KCNQ1: variants seen among roughly 807,000 people sequenced by gnomAD.
KCNQ1 encodes the protein potassium voltage-gated channel subfamily KQT member 1.
In KCNQ1, 49 loss-of-function variants were observed where a neutral mutation model predicts 72.4. The ratio of observed to expected loss-of-function variants is 0.68; its 90% confidence interval spans 0.54 to 0.86. The LOEUF (loss-of-function observed/expected upper bound fraction) is 0.86, where lower values mean the gene tolerates loss of function less well. Ranked by LOEUF, KCNQ1 falls within the 40% of genes least tolerant of loss-of-function variation. KCNQ1 has a pLI of 0.00. For missense variants in KCNQ1, 790 were observed against 945.1 expected (o/e 0.84, Z 2.15); for synonymous variants, 450 against 412.6 (o/e 1.09, Z -1.10).
chr11:2,640,486 T>C (rs1849556053), intron 10 of KCNQ1: 3 of 398,180 alleles, frequency 7.5e-6, no homozygotes, highest in South Asian at 2.6e-4. Flanking sequence ...GGGTCGTGCA[T>C]TGTTGCCCAG....
At chr11:2,572,208 CG>C in intron 5 of KCNQ1, 99 bp downstream of exon 5, 2 of 897,186 alleles carry the variant, frequency 2.2e-6, no homozygotes, top group Non-Finnish European at 3.5e-6. Flanking sequence ...GCTGAGGCCC[CG>C]GGGGCCGGTG....
chr11:2,743,616 G>C (rs1846093531), intron 11 of KCNQ1, among the ~76,000 whole-genome samples: 1 of 152,188 alleles, frequency 6.6e-6, no homozygotes, highest in Admixed American at 6.5e-5. Context: ...CGTCTCCCCG[G>C]AGGAGAGCAG....
rs571565363 is a variant in KCNQ1, at chr11:2,598,847, C to G, written c.1393+9993C>G. ...CACATCTGTGAAATCAGGATCCTAACTGCCTGCTCCCAGGACTCCTGTGTT... is the reference window on the plus strand; with the variant it reads ...CACATCTGTGAAATCAGGATCCTAAGTGCCTGCTCCCAGGACTCCTGTGTT... On this transcript the variant is annotated intron_variant, in intron 10 of 15. Transcript: ENST00000155840. The surrounding 1 kb of genome is among the most constrained non-coding windows in gnomAD (Gnocchi z 6.2). Among the ~76,000 whole-genome samples, 84 of 152,318 alleles carry G rather than the reference C, an allele frequency of 5.5e-4. No homozygotes were observed. Among genetic ancestry groups the G allele is most frequent in the African/African-American group, 2.0e-3 (84 of 41,574 alleles).
In KCNQ1 at chr11:2,609,900, T is replaced by A. The variant is rs558277563; in HGVS notation, c.1393+21046T>A. 8.0e-5 allele frequency: 32 copies of A among 398,130 alleles called. No homozygotes were observed. The Admixed American group carries it at 1.4e-3, about 17-fold the overall frequency. The allele number at this position is 398,130 out of a possible 1,614,324, so 24.7% of individuals were successfully genotyped here. On this transcript the variant is annotated intron_variant, in intron 10 of 15. Coordinates refer to ENST00000155840, the MANE Select transcript of KCNQ1 (RefSeq NM_000218.3). Reference sequence around the variant, plus strand: ...CCATCCTTTTACTTTCAGTTGGCATTTATCATCTAAAGTGTGCCTCATATA... The same window carrying A: ...CCATCCTTTTACTTTCAGTTGGCATATATCATCTAAAGTGTGCCTCATATA...
intron 1 of KCNQ1, among the ~76,000 whole-genome samples, chr11:2,455,302 G>T (rs763629096): frequency 3.5e-4 from 53 of 151,662 alleles, no homozygotes; most frequent in Non-Finnish European, 6.6e-4. Context: ...GTTTCACCGT[G>T]TTAGCCAGGA....
Position 2,651,150 on chromosome 11 carries a change from T to C in KCNQ1, c.1394-10811T>C, listed in dbSNP as rs1166143437. 2.5e-6 allele frequency: 1 copy of C among 398,614 alleles called. No homozygotes were observed. 24.7% of individuals were successfully genotyped at this position (398,614 alleles called of 1,614,324 possible). A position where few individuals can be genotyped will look rare whatever the true frequency, so the allele number is the denominator to read the frequency against. On this transcript the variant is annotated intron_variant, in intron 10 of 15. Coordinates refer to ENST00000155840, the MANE Select transcript of KCNQ1 (RefSeq NM_000218.3). This position sits in a 1 kb window ranked among gnomAD's most constrained non-coding sequence, Gnocchi z 6.1. ...TAACAGCTCAAGGGAGTTCTTTAAATGTACAGTGGATCTTGCTGCTTCCCT... is the reference window on the plus strand; with the variant it reads ...TAACAGCTCAAGGGAGTTCTTTAAACGTACAGTGGATCTTGCTGCTTCCCT...
chr11:2,613,412 G>A lies in KCNQ1; in HGVS notation c.1393+24558G>A, dbSNP rs1191021705. The A allele has an allele frequency of 2.5e-6, 1 of 398,384 alleles. No individual in the cohort carries two copies. Among genetic ancestry groups the A allele is most frequent in the East Asian group, 3.6e-5 (1 of 28,074 alleles). The allele number at this position is 398,384 out of a possible 1,614,324, so 24.7% of individuals were successfully genotyped here. On this transcript the variant is annotated intron_variant, in intron 10 of 15. Coordinates refer to ENST00000155840, the MANE Select transcript of KCNQ1 (RefSeq NM_000218.3). This position sits in a 1 kb window ranked among gnomAD's most constrained non-coding sequence, Gnocchi z 4.8. ...CCAATTATTTGCCACTGAAATCCTT[G>A]TTGCTTAACATAGTGCATAGGGTTT...
chr11:2,574,096 A>G (rs934551448), intron 6 of KCNQ1, among the ~76,000 whole-genome samples: 1 of 152,078 alleles, frequency 6.6e-6, no homozygotes, highest in Admixed American at 6.5e-5. Flanking sequence ...ACACGTGGGT[A>G]CCCCGAGGGG....
Position 2,691,465 on chromosome 11 carries a change from C to T in KCNQ1, c.1514+29384C>T. Reference sequence around the variant, plus strand: ...CCACTGAGTCTCTGATGTTGACAGCCTCTTTGTTTTTTCATCTCAGCCTAT... The same window carrying T: ...CCACTGAGTCTCTGATGTTGACAGCTTCTTTGTTTTTTCATCTCAGCCTAT... On this transcript the variant is annotated intron_variant, in intron 11 of 15. Transcript: ENST00000155840. The surrounding 1 kb of genome is among the most constrained non-coding windows in gnomAD (Gnocchi z 6.4). 1 of 398,510 alleles carries T rather than the reference C, an allele frequency of 2.5e-6. No homozygotes were observed. The highest frequency in any genetic ancestry group is 6.3e-4 in the Middle Eastern group (1 of 1,588). 24.7% of individuals were successfully genotyped at this position (398,510 alleles called of 1,614,324 possible).
chr11:2,618,922 A>T (rs1324165788), intron 10 of KCNQ1: 10 of 398,028 alleles, frequency 2.5e-5, no homozygotes, highest in Non-Finnish European at 3.5e-5. Flanking sequence ...TTCCTAAGCA[A>T]TTTTTTTGAT....
At chr11:2,646,479 T>G (rs1849668040) in intron 10 of KCNQ1, 1 of 398,622 alleles carries the variant, frequency 2.5e-6, no homozygotes. Flanking sequence ...TTTCTTCATT[T>G]CTCTTTTGGC....
intron 1 of KCNQ1, among the ~76,000 whole-genome samples, chr11:2,511,572 C>G (rs1468645146): frequency 6.6e-6 from 1 of 152,192 alleles, no homozygotes; most frequent in African/African-American, 2.4e-5. Context: ...AGGTGCCAAC[C>G]TGCCCCTCCT....
rs1463320761 is a variant in KCNQ1 at position 2,483,075 on chromosome 11, A to G, written c.386+37591A>G. Among the ~76,000 whole-genome samples, 1 of 152,118 alleles carries G rather than the reference A, an allele frequency of 6.6e-6. No homozygotes were observed. Among genetic ancestry groups the G allele is most frequent in the African/African-American group, 2.4e-5 (1 of 41,436 alleles). On this transcript the variant is annotated intron_variant, in intron 1 of 15. Transcript: ENST00000155840. The surrounding 1 kb of genome is among the most constrained non-coding windows in gnomAD (Gnocchi z 6.1). ...GGGATTTCAGCAGAGACCTGATGGA[A>G]TTGAGGGAGTGGGTGGTGTGTGCTT...
intron 11 of KCNQ1, among the ~76,000 whole-genome samples, chr11:2,739,488 T>C (rs1376750263): frequency 6.6e-6 from 1 of 152,220 alleles, no homozygotes; most frequent in Non-Finnish European, 1.5e-5. Context: ...GCAACATTTT[T>C]ATTACGCAAA....
At chr11:2,716,236 C>T (rs573747559) in intron 11 of KCNQ1, among the ~76,000 whole-genome samples, 18 of 152,126 alleles carry the variant, frequency 1.2e-4, no homozygotes, top group Non-Finnish European at 2.4e-4. Flanking sequence ...CAGGCTCAAG[C>T]GGTCCTCTCA....
rs1850132056 is a variant in KCNQ1, at chr11:2,668,928, T to A, written c.1514+6847T>A. Reference sequence around the variant, plus strand: ...TATTCTAAAGCTTTATTAGCTCACCTTTCCCATGTAGATCTGCACTCCATC... The same window carrying A: ...TATTCTAAAGCTTTATTAGCTCACCATTCCCATGTAGATCTGCACTCCATC... On this transcript the variant is annotated intron_variant, in intron 11 of 15. Coordinates refer to ENST00000155840, the MANE Select transcript of KCNQ1 (RefSeq NM_000218.3). This position sits in a 1 kb window ranked among gnomAD's most constrained non-coding sequence, Gnocchi z 4.3. The A allele has an allele frequency of 5.0e-6, 2 of 398,528 alleles. No individual in the cohort carries two copies. Among genetic ancestry groups the A allele is most frequent in the African/African-American group, 4.1e-5 (2 of 48,612 alleles). The allele number at this position is 398,528 out of a possible 1,614,324, so 24.7% of individuals were successfully genotyped here. A position where few individuals can be genotyped will look rare whatever the true frequency, so the allele number is the denominator to read the frequency against.
rs2133910006 is a variant in KCNQ1, at chr11:2,704,245, C to T, written c.1514+42164C>T. Among the ~76,000 whole-genome samples the T allele has an allele frequency of 6.6e-6, 1 of 152,394 alleles. No individual in the cohort carries two copies. Among genetic ancestry groups the T allele is most frequent in the East Asian group, 1.9e-4 (1 of 5,194 alleles). ...GCCCATGTCCTTGTTCCAGAATCTT[C>T]CGCCTCCTGTGGCCTGTGTGTCGCC... On this transcript the variant is annotated intron_variant, in intron 11 of 15. Transcript: ENST00000155840. This position sits in a 1 kb window ranked among gnomAD's most constrained non-coding sequence, Gnocchi z 4.3.
chr11:2,649,498 T>G (rs1445332500), intron 10 of KCNQ1: 1 of 398,592 alleles, frequency 2.5e-6, no homozygotes, highest in Admixed American at 4.4e-5. Flanking sequence ...CAGTTTTTGC[T>G]TGTCTGAGGG....
chr11:2,824,536 C>T lies in KCNQ1; in HGVS notation c.1795-23231C>T, dbSNP rs1847799949. Among the ~76,000 whole-genome samples, 1 of 152,116 alleles carries T rather than the reference C, an allele frequency of 6.6e-6. No homozygotes were observed. On this transcript the variant is annotated intron_variant, in intron 15 of 15. Coordinates refer to ENST00000155840, the MANE Select transcript of KCNQ1 (RefSeq NM_000218.3). The surrounding 1 kb of genome is among the most constrained non-coding windows in gnomAD (Gnocchi z 5.9). The stretch of plus-strand genomic sequence containing the variant: ...TTGCCCGGCAGTTTAGGCTGCAAGG[C>T]TCAGCAGGGAGATTGGAGCTGAAAA...
Sources: gnomAD v4.1 joint callset for allele counts (sites outside exome capture counted in the v4.1 genomes callset) on GRCh38, gnomAD v4.1.1 for gene constraint, Gnocchi (gnomAD v3.1) non-coding constraint, MANE v1.5 for transcripts, NCBI Gene and HGNC (gene_info 2026-07-23, HGNC 2026-07-21) for gene names.